GREB1L: variants seen among roughly 807,000 people sequenced by gnomAD.
The protein encoded by GREB1L is GREB1 like retinoic acid receptor coactivator, also known as GREB1-like protein.
Under a neutral mutation model 200.8 loss-of-function variants are expected in GREB1L, and 17 were observed. The observed-to-expected ratio is 0.08, with a 90% confidence interval of 0.06 to 0.13. The LOEUF (loss-of-function observed/expected upper bound fraction) is 0.13. Among genes scored for constraint, GREB1L ranks in the 10% least tolerant of loss-of-function variants. GREB1L has a pLI of 1.00. For missense variants in GREB1L, 1,657 were observed against 2,367.7 expected (o/e 0.70, Z 6.23); for synonymous variants, 789 against 893.0 (o/e 0.88, Z 2.08).
intron 28 of GREB1L, 54 bp from the exon 29 acceptor site, chr18:21,515,362 AT>A: frequency 8.0e-7 from 1 of 1,247,028 alleles, no homozygotes; most frequent in Non-Finnish European, 1.1e-6. Flanking sequence ...CACTTCACAA[AT>A]GATCCTCTCT....
At chr18:21,435,282 T>C (rs1389602364) in intron 7 of GREB1L, among the ~76,000 whole-genome samples, 1 of 152,204 alleles carries the variant, frequency 6.6e-6, no homozygotes, top group African/African-American at 2.4e-5. Flanking sequence ...GGAATGACAC[T>C]TGTTACTTGG....
chr18:21,506,726 T>C (rs1421177103), intron 25 of GREB1L, among the ~76,000 whole-genome samples: 1 of 151,822 alleles, frequency 6.6e-6, no homozygotes, highest in Admixed American at 6.6e-5. Context: ...CACACCTGCG[T>C]GGGGTGGCTT....
chr18:21,514,439 C>T lies in GREB1L; in HGVS notation c.4901+453C>T, dbSNP rs149625694. Among the ~76,000 whole-genome samples the T allele has an allele frequency of 3.2e-4, 48 of 152,314 alleles. 1 individual carries two copies. The East Asian group carries it at 9.1e-3, about 29-fold the overall frequency. ...CTGAGGCAAGAGAATCACTTGAACC[C>T]AAGAGGCAGATGTTGCAGTGAGCTG... On this transcript the variant is annotated intron_variant, in intron 28 of 32. Transcript: ENST00000424526.
intron 7 of GREB1L, among the ~76,000 whole-genome samples, chr18:21,425,155 A>G (rs1293076786): frequency 6.6e-6 from 1 of 152,214 alleles, no homozygotes; most frequent in Non-Finnish European, 1.5e-5. Flanking sequence ...TATTTGGGAT[A>G]CAAGTTCTTT....
chr18:21,348,705 G>A (rs1269787266), intron 1 of GREB1L, among the ~76,000 whole-genome samples: 1 of 152,036 alleles, frequency 6.6e-6, no homozygotes, highest in Non-Finnish European at 1.5e-5. Context: ...AACCCGGGAG[G>A]CAGAGGTTGC....
chr18:21,396,034 TTC>T (rs1394803198), intron 5 of GREB1L, among the ~76,000 whole-genome samples: 2 of 151,382 alleles, frequency 1.3e-5, no homozygotes, highest in African/African-American at 4.8e-5. Context: ...TTTATTTATT[TTC>T]TTTCTTTTTT....
chr18:21,276,934 T>TC (rs1345371347), intron 1 of GREB1L, among the ~76,000 whole-genome samples: 1 of 145,524 alleles, frequency 6.9e-6, no homozygotes, highest in Non-Finnish European at 1.5e-5. Flanking sequence ...CTTTTTTTTT[T>TC]TTTTTTTTTT....
At chr18:21,350,939 C>T (rs1047890289) in intron 1 of GREB1L, among the ~76,000 whole-genome samples, 4 of 152,148 alleles carry the variant, frequency 2.6e-5, no homozygotes, top group African/African-American at 9.7e-5. Flanking sequence ...ACTTCAACCT[C>T]ATCTTATTTA....
At chr18:21,501,104 A>T (rs1190266540) in intron 23 of GREB1L, among the ~76,000 whole-genome samples, 2 of 151,678 alleles carry the variant, frequency 1.3e-5, no homozygotes, top group Admixed American at 1.3e-4. Flanking sequence ...AAGAAATGAA[A>T]AAAAAGAATG....
chr18:21,352,972 G>C (rs1428830933), intron 1 of GREB1L, among the ~76,000 whole-genome samples: 1 of 151,934 alleles, frequency 6.6e-6, no homozygotes, highest in African/African-American at 2.4e-5. Context: ...ATGAGGTCAG[G>C]AGATTGAGAC....
At position 21,366,099 on chromosome 18, in the gene GREB1L, CATG is replaced by C. The variant is rs2039671086; in HGVS notation, c.-45_-43del. The stretch of plus-strand genomic sequence containing the variant: ...TGAAGTGTTGACTGCCCAACTTAAT[CATG>C]ACTGTGATTCAAAAATGTTAATAAA... On this transcript the variant is annotated 5_prime_UTR_variant, in exon 2 of 33. An upstream start codon of the reference 5' UTR is lost. Coordinates refer to ENST00000424526, the MANE Select transcript of GREB1L (RefSeq NM_001142966.3). The C allele has an allele frequency of 6.6e-6, 1 of 152,138 alleles. No homozygotes were observed. Among genetic ancestry groups the C allele is most frequent in the Non-Finnish European group, 1.5e-5 (1 of 68,020 alleles). 9.4% of individuals were successfully genotyped at this position (152,138 alleles called of 1,614,324 possible).
At chr18:21,371,652 C>G (rs1050570603) in intron 2 of GREB1L, among the ~76,000 whole-genome samples, 1 of 151,300 alleles carries the variant, frequency 6.6e-6, no homozygotes, top group Non-Finnish European at 1.5e-5. Context: ...CCGGGCGTGG[C>G]GGGCGCCTGT....
At chr18:21,289,404 T>A (rs544394854) in intron 1 of GREB1L, among the ~76,000 whole-genome samples, 7 of 152,048 alleles carry the variant, frequency 4.6e-5, no homozygotes, top group South Asian at 4.2e-4. Flanking sequence ...ACATTTTTTT[T>A]AATTAGCACC....
chr18:21,481,361 G>A (rs2035905787), intron 17 of GREB1L, among the ~76,000 whole-genome samples: 1 of 151,766 alleles, frequency 6.6e-6, no homozygotes, highest in African/African-American at 2.4e-5. Context: ...TATACACATG[G>A]AGGCTGTGAG....
chr18:21,510,712 ATTGCTAGATC>A (rs1304483140), intron 27 of GREB1L, among the ~76,000 whole-genome samples: 2 of 152,132 alleles, frequency 1.3e-5, no homozygotes, highest in African/African-American at 4.8e-5. Context: ...TAGAAGCGAG[ATTGCTAGATC>A]ATGTGGCAAT....
At position 21,443,249 on chromosome 18, in the gene GREB1L, C is replaced by T. The variant is rs142197254; in HGVS notation, c.1208-975C>T. On this transcript the variant is annotated intron_variant, in intron 10 of 32. Transcript: ENST00000424526. ...ACGGAGTCTCTCTCTGTGGCTCAGG[C>T]GGGAGTGCAGTGGCGCGATCTCGGC... 7.3e-3 allele frequency among the ~76,000 whole-genome samples: 1,103 copies of T among 151,880 alleles called. 16 individuals carry two copies. The highest frequency in any genetic ancestry group is 0.025 in the African/African-American group (1,040 of 41,422).
chr18:21,404,721 A>C (rs1283368072), intron 7 of GREB1L, among the ~76,000 whole-genome samples: 1 of 152,238 alleles, frequency 6.6e-6, no homozygotes, highest in East Asian at 1.9e-4. Context: ...AGATCACTGC[A>C]GATAGTATTT....
intron 1 of GREB1L, among the ~76,000 whole-genome samples, chr18:21,265,057 A>T (rs2144168349): frequency 6.6e-6 from 1 of 152,140 alleles, no homozygotes; most frequent in South Asian, 2.1e-4. Flanking sequence ...TGCTACACTT[A>T]TTGTTGTTTT....
intron 1 of GREB1L, among the ~76,000 whole-genome samples, chr18:21,269,976 T>C (rs957001081): frequency 8.5e-5 from 13 of 152,162 alleles, no homozygotes; most frequent in Admixed American, 8.5e-4. Context: ...AGTCTAATAA[T>C]GAAAATTAGG....
Sources: gnomAD v4.1 joint callset for allele counts (sites outside exome capture counted in the v4.1 genomes callset) on GRCh38, gnomAD v4.1.1 for gene constraint, MANE v1.5 for transcripts, NCBI Gene and HGNC (gene_info 2026-07-23, HGNC 2026-07-21) for gene names.